Variants in NALF1 observed in about 807,000 individuals in gnomAD.
NALF1 encodes the protein family with sequence similarity 155 member A.
NALF1 carries 3 observed loss-of-function variants against 48.4 expected under a neutral mutation model. The observed-to-expected ratio is 0.06, with a 90% CI of 0.03 to 0.16. The LOEUF (loss-of-function observed/expected upper bound fraction) is 0.16. NALF1 is among the 10% of genes least tolerant of loss of function. The probability of loss-of-function intolerance (pLI) is 1.00; values close to 1 mark genes in which losing one functional copy is unlikely to be tolerated. For synonymous variants in NALF1, 262 were observed against 245.7 expected (o/e 1.07, Z -0.62); for missense variants, 526 against 571.5 (o/e 0.92, Z 0.81).
chr13:107,548,126 C>T lies in NALF1; in HGVS notation c.915+317556G>A, dbSNP rs183094527. ...TTTTTTCTGCTTCTCTCCCTCCTCC[C>T]ACCCTCCATCCTCGAGTAGCCCCCA... On this transcript the variant is annotated intron_variant, in intron 1 of 2. Coordinates refer to ENST00000375915, the MANE Select transcript of NALF1 (RefSeq NM_001080396.3). Among the ~76,000 whole-genome samples the T allele has an allele frequency of 1.4e-3, 217 of 152,202 alleles. 1 individual carries two copies. The highest frequency in any genetic ancestry group is 4.6e-3 in the African/African-American group (189 of 41,526).
intron 1 of NALF1, among the ~76,000 whole-genome samples, chr13:107,749,503 T>C (rs1876873733): frequency 6.6e-6 from 1 of 152,064 alleles, no homozygotes; most frequent in Admixed American, 6.6e-5. Flanking sequence ...TGTATTTTAT[T>C]TAAACCAACC....
chr13:107,261,574 T>C (rs909563257), intron 1 of NALF1, among the ~76,000 whole-genome samples: 4 of 152,164 alleles, frequency 2.6e-5, no homozygotes, highest in Admixed American at 6.5e-5. Flanking sequence ...GAACTACTGC[T>C]GGGGAGTCTG....
intron 1 of NALF1, among the ~76,000 whole-genome samples, chr13:107,609,373 C>A (rs989321268): frequency 1.1e-4 from 17 of 152,150 alleles, no homozygotes; most frequent in African/African-American, 3.6e-4. Context: ...CCAACCAGTC[C>A]CGGGTGAGAT....
At chr13:107,750,708 TATAAA>T (rs1293282777) in intron 1 of NALF1, among the ~76,000 whole-genome samples, 4 of 152,194 alleles carry the variant, frequency 2.6e-5, no homozygotes, top group Non-Finnish European at 5.9e-5. Context: ...TAGCAGATGC[TATAAA>T]ATGTCTTTAC....
chr13:107,404,403 T>C (rs1465225674), intron 1 of NALF1, among the ~76,000 whole-genome samples: 1 of 152,006 alleles, frequency 6.6e-6, no homozygotes, highest in Non-Finnish European at 1.5e-5. Context: ...GAGAATATGG[T>C]TTATATTTGA....
intron 1 of NALF1, among the ~76,000 whole-genome samples, chr13:107,401,901 T>C (rs1429886451): frequency 1.3e-5 from 2 of 152,164 alleles, no homozygotes; most frequent in Admixed American, 1.3e-4. Context: ...ATTTAATTAT[T>C]TATTGTAGCA....
At chr13:107,843,357 T>C (rs1394540179) in intron 1 of NALF1, among the ~76,000 whole-genome samples, 1 of 152,150 alleles carries the variant, frequency 6.6e-6, no homozygotes, top group Non-Finnish European at 1.5e-5. Flanking sequence ...AGGCTAGACA[T>C]TCTGACTGCA....
At chr13:107,676,059 G>C (rs553052947) in intron 1 of NALF1, among the ~76,000 whole-genome samples, 78 of 152,196 alleles carry the variant, frequency 5.1e-4, no homozygotes, top group African/African-American at 1.9e-3. Flanking sequence ...AAGGTACAAA[G>C]GTTGTCATGA....
At chr13:107,792,842 C>A (rs187749904) in intron 1 of NALF1, among the ~76,000 whole-genome samples, 9 of 152,246 alleles carry the variant, frequency 5.9e-5, no homozygotes, top group African/African-American at 2.2e-4. Flanking sequence ...CAGGGTCTCA[C>A]TCTGTCACCC....
chr13:107,850,853 A>T (rs574051182), intron 1 of NALF1, among the ~76,000 whole-genome samples: 2 of 152,234 alleles, frequency 1.3e-5, no homozygotes, highest in East Asian at 3.9e-4. Context: ...CAGCGAGCCA[A>T]GATAGCACTC....
At chr13:107,451,607 T>C (rs894075884) in intron 1 of NALF1, among the ~76,000 whole-genome samples, 1 of 152,206 alleles carries the variant, frequency 6.6e-6, no homozygotes, top group South Asian at 2.1e-4. Flanking sequence ...AGCATTTTTA[T>C]TCTCTTTCCT....
At chr13:107,725,675 ACT>A (rs112422279) in intron 1 of NALF1, among the ~76,000 whole-genome samples, 5,907 of 146,214 alleles carry the variant, frequency 0.04, 287 homozygotes, top group African/African-American at 0.12. Flanking sequence ...ACAGAGCAAG[ACT>A]CTGTCTCTCA....
intron 1 of NALF1, among the ~76,000 whole-genome samples, chr13:107,713,902 T>C (rs1875673534): frequency 6.6e-6 from 1 of 152,180 alleles, no homozygotes; most frequent in Non-Finnish European, 1.5e-5. Flanking sequence ...GGCAGTATGC[T>C]TTAGAGACTG....
At chr13:107,543,369 A>G (rs1412366995) in intron 1 of NALF1, among the ~76,000 whole-genome samples, 1 of 152,220 alleles carries the variant, frequency 6.6e-6, no homozygotes. Context: ...TTCAATTGTA[A>G]TTAACTTAAG....
At chr13:107,286,516 G>A (rs981906698) in intron 1 of NALF1, among the ~76,000 whole-genome samples, 6 of 148,220 alleles carry the variant, frequency 4.0e-5, no homozygotes, top group Non-Finnish European at 7.4e-5. Context: ...ACGCACCTGC[G>A]TTCCCAGCTA....
intron 1 of NALF1, among the ~76,000 whole-genome samples, chr13:107,737,951 A>AT: frequency 6.6e-6 from 1 of 152,248 alleles, no homozygotes; most frequent in African/African-American, 2.4e-5. Flanking sequence ...GAAAACACAT[A>AT]TTTTTTTCAG....
chr13:107,608,152 C>T (rs888333444), intron 1 of NALF1, among the ~76,000 whole-genome samples: 11 of 152,130 alleles, frequency 7.2e-5, no homozygotes, highest in African/African-American at 2.2e-4. Context: ...TTGGAAGTAA[C>T]GTTACGTGGC....
At chr13:107,721,572 A>G (rs2138527876) in intron 1 of NALF1, among the ~76,000 whole-genome samples, 1 of 152,270 alleles carries the variant, frequency 6.6e-6, no homozygotes, top group African/African-American at 2.4e-5. Context: ...GTGTGGCCTC[A>G]CGCTGCAGGA....
At chr13:107,584,645 G>T (rs916469481) in intron 1 of NALF1, among the ~76,000 whole-genome samples, 1 of 152,110 alleles carries the variant, frequency 6.6e-6, no homozygotes, top group African/African-American at 2.4e-5. Context: ...TGACTAAACT[G>T]CCCTCATACT....
Sources: gnomAD v4.1 joint callset for allele counts (sites outside exome capture counted in the v4.1 genomes callset) on GRCh38, gnomAD v4.1.1 for gene constraint, MANE v1.5 for transcripts, NCBI Gene and HGNC (gene_info 2026-07-23, HGNC 2026-07-21) for gene names.